CFAP251: variants seen among roughly 807,000 people sequenced by gnomAD.
The protein encoded by CFAP251 is cilia- and flagella-associated protein 251.
CFAP251 carries 93 observed loss-of-function variants against 126.7 expected under a neutral mutation model. The observed-to-expected ratio is 0.73, with a 90% CI of 0.62 to 0.87. The LOEUF (loss-of-function observed/expected upper bound fraction) is 0.87, where lower values mean the gene tolerates loss of function less well. Among genes scored for constraint, CFAP251 ranks in the 40% least tolerant of loss-of-function variants. The probability of loss-of-function intolerance (pLI) is 0.00; values close to 1 mark genes in which losing one functional copy is unlikely to be tolerated. For missense variants in CFAP251, 1,287 were observed against 1,389.2 expected, an observed-to-expected ratio of 0.93 and a Z score of 1.17; for synonymous variants, 503 against 506.9, an observed-to-expected ratio of 0.99 and a Z score of 0.10.
chr12:121,951,470 C>T lies in CFAP251; in HGVS notation c.1270-10C>T. On this transcript the variant is annotated splice_polypyrimidine_tract_variant and intron_variant, in intron 8 of 21. Transcript: ENST00000288912. ...CTTTTTGAGTAGTGATTATTTTTTCCTCTTATCAGTATGAAGAGAGGGATA... is the reference window on the plus strand; with the variant it reads ...CTTTTTGAGTAGTGATTATTTTTTCTTCTTATCAGTATGAAGAGAGGGATA... The T allele has an allele frequency of 2.0e-6, 3 of 1,535,440 alleles. No individual in the cohort carries two copies. The highest frequency in any genetic ancestry group is 1.2e-5 in the South Asian group (1 of 81,978).
chr12:121,919,743 G>T (rs750102460), intron 1 of CFAP251, among the ~76,000 whole-genome samples: 2 of 152,084 alleles, frequency 1.3e-5, no homozygotes, highest in African/African-American at 4.8e-5. Flanking sequence ...TAGAATTGTT[G>T]CTAATATGTG....
chr12:121,958,172 C>A, intron 11 of CFAP251, 100 bp from the exon 12 acceptor site: 1 of 1,498,482 alleles, frequency 6.7e-7, no homozygotes, highest in Non-Finnish European at 9.0e-7. Flanking sequence ...CACTAAATTA[C>A]AGACGACAGA....
chr12:121,983,941 T>C (rs1172916219), intron 19 of CFAP251, among the ~76,000 whole-genome samples: 1 of 152,064 alleles, frequency 6.6e-6, no homozygotes, highest in Non-Finnish European at 1.5e-5. Flanking sequence ...AACCCAGGCT[T>C]TACCGTGGTT....
chr12:121,966,003 G>C (rs866057772), intron 15 of CFAP251, among the ~76,000 whole-genome samples: 3 of 151,688 alleles, frequency 2.0e-5, no homozygotes, highest in Non-Finnish European at 2.9e-5. Context: ...GCCCAGGCTG[G>C]ACTCGAACTC....
intron 15 of CFAP251, among the ~76,000 whole-genome samples, chr12:121,964,454 C>T (rs190167858): frequency 6.6e-6 from 1 of 152,324 alleles, no homozygotes; most frequent in East Asian, 1.9e-4. Context: ...CCTGAAGTTC[C>T]TGCTAACAGT....
intron 19 of CFAP251, chr12:121,997,177 A>G (rs893289066): frequency 6.6e-6 from 1 of 152,278 alleles, no homozygotes; most frequent in African/African-American, 2.4e-5. Flanking sequence ...TAGCCAGTAC[A>G]TGGGGCGAGG....
At chr12:121,973,254 C>G (rs1464791184) in intron 17 of CFAP251, among the ~76,000 whole-genome samples, 3 of 152,212 alleles carry the variant, frequency 2.0e-5, no homozygotes, top group African/African-American at 7.2e-5. Flanking sequence ...ACGTGTTGAG[C>G]CTGCCAGTCC....
At chr12:121,999,183 A>G (rs1883093928) in intron 19 of CFAP251, 1 of 152,716 alleles carries the variant, frequency 6.5e-6, no homozygotes, top group Admixed American at 6.5e-5. Flanking sequence ...ATAATGTATT[A>G]TATTAATTGA....
At chr12:121,965,153 C>T (rs547062221) in intron 15 of CFAP251, among the ~76,000 whole-genome samples, 11 of 152,210 alleles carry the variant, frequency 7.2e-5, no homozygotes, top group African/African-American at 2.4e-4. Flanking sequence ...TTTGAAAGAA[C>T]ATGAAAAGGC....
chr12:121,999,864 T>C lies in CFAP251; in HGVS notation c.3155T>C (p.Phe1052Ser). 1 of 1,614,206 alleles carries C rather than the reference T, an allele frequency of 6.2e-7. No individual in the cohort carries two copies. Among genetic ancestry groups the C allele is most frequent in the Admixed American group, 1.7e-5 (1 of 60,016 alleles). ...GNTMSGIHKS[F>S]EVLGYTNSKG... ...ACCATGAGTGGCATCCACAAGAGCT[T>C]TGAGGTGCTCGGTTATACCAACTCC... Residue 1052 changes from phenylalanine to serine, a missense_variant, in exon 20 of 22, where the codon TTT (phenylalanine) becomes TCT (serine). By Grantham distance (155) the Phe-to-Ser change is radical. Transcript: ENST00000288912.
At chr12:121,933,886 C>G (rs1438232302) in intron 4 of CFAP251, among the ~76,000 whole-genome samples, 1 of 152,006 alleles carries the variant, frequency 6.6e-6, no homozygotes. Flanking sequence ...TGCTCAGAGC[C>G]CTGAAGTGAG....
intron 5 of CFAP251, among the ~76,000 whole-genome samples, chr12:121,939,448 G>C (rs1881019951): frequency 6.6e-6 from 1 of 152,172 alleles, no homozygotes; most frequent in Admixed American, 6.5e-5. Flanking sequence ...AGAAGGGTCA[G>C]AGTCCTTCAG....
At chr12:121,973,412 G>A (rs1168493215) in intron 17 of CFAP251, among the ~76,000 whole-genome samples, 2 of 152,218 alleles carry the variant, frequency 1.3e-5, no homozygotes, top group Non-Finnish European at 2.9e-5. Context: ...GAAATGTGGG[G>A]TCAGAGCCCC....
At chr12:121,953,284 A>T (rs536302481) in intron 9 of CFAP251, 4 of 152,358 alleles carry the variant, frequency 2.6e-5, no homozygotes, top group Admixed American at 6.5e-5. Flanking sequence ...TAAATAGACC[A>T]TGAAAAGGAC....
At chr12:121,954,662 A>AAAAAC (rs1881662523) in intron 10 of CFAP251, among the ~76,000 whole-genome samples, 2 of 147,012 alleles carry the variant, frequency 1.4e-5, no homozygotes, top group South Asian at 2.1e-4. Context: ...AAAAAAAAAA[A>AAAAAC]AAAAAACCTC....
chr12:121,966,544 A>T (rs574884686), intron 15 of CFAP251, among the ~76,000 whole-genome samples: 13 of 132,590 alleles, frequency 9.8e-5, no homozygotes, highest in Non-Finnish European at 1.4e-4. Context: ...AAGTACTGGG[A>T]TTACAGGCGT....
intron 19 of CFAP251, among the ~76,000 whole-genome samples, chr12:121,988,876 C>G (rs933896389): frequency 9.2e-5 from 14 of 151,806 alleles, no homozygotes; most frequent in Non-Finnish European, 1.6e-4. Flanking sequence ...CCTGGGACTA[C>G]AGGTGCCCGC....
At chr12:121,996,541 G>A (rs1030296756) in intron 19 of CFAP251, among the ~76,000 whole-genome samples, 1 of 152,174 alleles carries the variant, frequency 6.6e-6, no homozygotes, top group African/African-American at 2.4e-5. Flanking sequence ...AAGGCGTCCT[G>A]TGAGGAGTCC....
intron 4 of CFAP251, among the ~76,000 whole-genome samples, chr12:121,933,860 C>T (rs1880786213): frequency 6.6e-6 from 1 of 152,046 alleles, no homozygotes; most frequent in African/African-American, 2.4e-5. Context: ...CAGTGAGGAA[C>T]TTTTTGCCCC....
Sources: gnomAD v4.1 joint callset for allele counts (sites outside exome capture counted in the v4.1 genomes callset) on GRCh38, gnomAD v4.1.1 for gene constraint, MANE v1.5 for transcripts, NCBI Gene and HGNC (gene_info 2026-07-23, HGNC 2026-07-21) for gene names.